Variants in HIRA observed in about 807,000 individuals in gnomAD.
HIRA encodes the protein histone cell cycle regulator.
In HIRA, 13 loss-of-function variants were observed where a neutral mutation model predicts 126.6. The ratio of observed to expected loss-of-function variants is 0.10; its 90% CI spans 0.07 to 0.16. HIRA has a LOEUF of 0.16. Ranked by LOEUF, HIRA falls within the 10% of genes least tolerant of loss-of-function variation. The pLI is 1.00. For synonymous variants in HIRA, 511 were observed against 520.0 expected (o/e 0.98, Z 0.24); for missense variants, 834 against 1,314.4 (o/e 0.63, Z 5.65).
intron 14 of HIRA, 152 bp from the exon 15 acceptor site, chr22:19,375,944 T>C: frequency 1.2e-6 from 1 of 838,754 alleles, no homozygotes; most frequent in Non-Finnish European, 1.8e-6. Flanking sequence ...CTACTCCCAT[T>C]TCTTTAAAAT....
chr22:19,343,994 G>A (rs1345889910), intron 24 of HIRA, among the ~76,000 whole-genome samples: 3 of 150,006 alleles, frequency 2.0e-5, no homozygotes, highest in Non-Finnish European at 4.4e-5. Context: ...TTACAGGTGT[G>A]AGCCACCACG....
intron 17 of HIRA, among the ~76,000 whole-genome samples, chr22:19,360,736 T>C (rs1351818799): frequency 6.6e-6 from 1 of 152,244 alleles, no homozygotes; most frequent in African/African-American, 2.4e-5. Context: ...AAGGATTATT[T>C]ACTCCAGAAT....
At chr22:19,349,076 G>A (rs2088725148) in intron 24 of HIRA, among the ~76,000 whole-genome samples, 1 of 151,650 alleles carries the variant, frequency 6.6e-6, no homozygotes, top group Non-Finnish European at 1.5e-5. Context: ...GAGCCACCAC[G>A]CCTGGCCTGA....
intron 21 of HIRA, among the ~76,000 whole-genome samples, chr22:19,354,774 T>TG (rs1265798787): frequency 3.3e-5 from 5 of 152,042 alleles, no homozygotes; most frequent in Non-Finnish European, 7.4e-5. Flanking sequence ...GTGGAGATTT[T>TG]TTTTTTCCTT....
chr22:19,362,922 AAAG>A, intron 15 of HIRA, among the ~76,000 whole-genome samples: 1 of 151,928 alleles, frequency 6.6e-6, no homozygotes. Flanking sequence ...AAGAAGATAA[AAAG>A]AAGTGAAGAT....
intron 15 of HIRA, 41 bp from the exon 16 acceptor site, chr22:19,361,972 T>C (rs1388810685): frequency 1.9e-6 from 3 of 1,584,484 alleles, no homozygotes; most frequent in Non-Finnish European, 2.6e-6. Context: ...TCAGAAACCA[T>C]TCATGCAAGA....
intron 12 of HIRA, 97 bp downstream of exon 12, chr22:19,385,424 C>G: frequency 8.0e-7 from 1 of 1,243,716 alleles, no homozygotes; most frequent in Non-Finnish European, 1.1e-6. Flanking sequence ...CCGTACCACT[C>G]TAAACAAACC....
intron 21 of HIRA, 93 bp from the exon 22 acceptor site, chr22:19,354,211 G>A: frequency 1.5e-6 from 2 of 1,323,856 alleles, no homozygotes; most frequent in Middle Eastern, 4.0e-4. Flanking sequence ...AGAGGCCACA[G>A]AGAAGCAGCC....
At chr22:19,364,895 G>A (rs1817896267) in intron 15 of HIRA, among the ~76,000 whole-genome samples, 1 of 152,182 alleles carries the variant, frequency 6.6e-6, no homozygotes, top group African/African-American at 2.4e-5. Context: ...GCCAAGGTGT[G>A]AATGCAATGG....
intron 1 of HIRA, among the ~76,000 whole-genome samples, chr22:19,420,566 C>G (rs1195308077): frequency 6.6e-6 from 1 of 150,954 alleles, no homozygotes; most frequent in African/African-American, 2.4e-5. Flanking sequence ...TTTCTTAATA[C>G]TTCTTTCCCC....
In HIRA at chr22:19,408,464, A is replaced by C. The variant is rs1461117645; in HGVS notation, c.211+19T>G. 2.0e-6 allele frequency: 3 copies of C among 1,502,740 alleles called. No homozygotes were observed. Among genetic ancestry groups the C allele is most frequent in the Admixed American group, 3.3e-5 (2 of 59,834 alleles). The allele number at this position is 1,502,740 out of a possible 1,614,324, so 93.1% of individuals were successfully genotyped here. A position where few individuals can be genotyped will look rare whatever the true frequency, so the allele number is the denominator to read the frequency against. ...ACTCTGCCAACACGCAAAGCCTGCA[A>C]AGGGCCACTCTGTAATACCTAAGTG... On this transcript the variant is annotated intron_variant, in intron 3 of 24. Transcript: ENST00000263208.
chr22:19,396,664 C>T, intron 7 of HIRA, 123 bp downstream of exon 7: 2 of 937,500 alleles, frequency 2.1e-6, no homozygotes, highest in Non-Finnish European at 3.3e-6. Flanking sequence ...TCCGCTCAGG[C>T]CCCCGGACTC....
chr22:19,346,134 G>A (rs1305096270), intron 24 of HIRA, among the ~76,000 whole-genome samples: 1 of 152,026 alleles, frequency 6.6e-6, no homozygotes, highest in African/African-American at 2.4e-5. Context: ...CAGCATGGCT[G>A]GTTGGAAGTC....
At chr22:19,346,342 A>G (rs782608935) in intron 24 of HIRA, among the ~76,000 whole-genome samples, 1 of 152,278 alleles carries the variant, frequency 6.6e-6, no homozygotes, top group Non-Finnish European at 1.5e-5. Context: ...TTCGTCTCAA[A>G]TAAACACATA....
chr22:19,374,391 G>A lies in HIRA; in HGVS notation c.1775+1240C>T, dbSNP rs144256930. ...TGGTCTCAAACTCCTGGCCTCAAGC[G>A]ATCCTCCTGTCTTGGCCTCCCAAAG... On this transcript the variant is annotated intron_variant, in intron 15 of 24. Transcript: ENST00000263208. Among the ~76,000 whole-genome samples the A allele has an allele frequency of 1.9e-3, 293 of 152,212 alleles. 1 individual carries two copies. Among genetic ancestry groups the A allele is most frequent in the African/African-American group, 6.0e-3 (249 of 41,546 alleles).
chr22:19,351,142 C>T lies in HIRA; in HGVS notation c.2937+216G>A, dbSNP rs9306215. 22 of 985,212 alleles carry T rather than the reference C, an allele frequency of 2.2e-5. No individual in the cohort carries two copies. Among genetic ancestry groups the T allele is most frequent in the African/African-American group, 3.5e-5 (2 of 57,214 alleles). 61.0% of individuals were successfully genotyped at this position (985,212 alleles called of 1,614,324 possible). ...AGCCTCCCTCAGCACAGGCACGTGG[C>T]GGAGCACTCCGTGGCTCCTGATGTC... On this transcript the variant is annotated intron_variant, in intron 24 of 24. Transcript: ENST00000263208. This position sits in a 1 kb window ranked among gnomAD's most constrained non-coding sequence, Gnocchi z 4.8.
chr22:19,407,880 T>C (rs5993629), intron 3 of HIRA, among the ~76,000 whole-genome samples: 3,089 of 152,310 alleles, frequency 0.02, 116 homozygotes, highest in African/African-American at 0.07. Context: ...ACTTGGCCTT[T>C]GGAAGACCTG....
At chr22:19,392,023 A>G (rs954491290) in intron 9 of HIRA, 78 bp downstream of exon 9, 3 of 758,958 alleles carry the variant, frequency 4.0e-6, no homozygotes, top group Admixed American at 2.3e-5. Flanking sequence ...CACCCAAAGC[A>G]GGTCTCTTTC....
chr22:19,411,890 T>G (rs1381078770), intron 1 of HIRA, among the ~76,000 whole-genome samples: 4 of 152,022 alleles, frequency 2.6e-5, no homozygotes, highest in Non-Finnish European at 5.9e-5. Context: ...CATGCAAGTG[T>G]GAAAATTAAA....
Sources: allele counts gnomAD v4.1 joint callset (sites outside exome capture counted in the v4.1 genomes callset), GRCh38; gene constraint gnomAD v4.1.1; non-coding constraint Gnocchi (gnomAD v3.1); transcripts MANE v1.5; gene names NCBI Gene and HGNC (gene_info 2026-07-23, HGNC 2026-07-21).